BORA: variants seen among roughly 807,000 people sequenced by gnomAD.
BORA encodes protein aurora borealis.
Under a neutral mutation model 55.8 loss-of-function variants are expected in BORA, and 26 were observed. The ratio of observed to expected loss-of-function variants is 0.47; its 90% CI spans 0.34 to 0.65. BORA has a LOEUF of 0.65. Among genes scored for constraint, BORA ranks in the 30% least tolerant of loss-of-function variants. BORA has a pLI of 0.01. For synonymous variants in BORA, 201 were observed against 216.9 expected (o/e 0.93, Z 0.64); for missense variants, 568 against 671.5 (o/e 0.85, Z 1.70).
chr13:72,745,019 C>T lies in BORA; in HGVS notation c.550C>T (p.Pro184Ser). 6.2e-7 allele frequency: 1 copy of T among 1,614,050 alleles called. No homozygotes were observed. The highest frequency in any genetic ancestry group is 8.5e-7 in the Non-Finnish European group (1 of 1,179,962). The change falls in exon 8 of 12, where the codon CCT (proline) becomes TCT (serine). Residue 184 changes from proline (P) to serine (S), a missense_variant. Transcript: ENST00000390667. ...AGCTGATGAATTTGCAGATCAATCTCCTGGAAACCTCAGTTCTTCATCCCT... is the reference window on the plus strand; with the variant it reads ...AGCTGATGAATTTGCAGATCAATCTTCTGGAAACCTCAGTTCTTCATCCCT... ...FRADEFADQS[P>S]GNLSSSSLRR...
chr13:72,750,574 C>CT (rs1172163897), intron 10 of BORA, among the ~76,000 whole-genome samples: 2 of 152,050 alleles, frequency 1.3e-5, no homozygotes, highest in Non-Finnish European at 2.9e-5. Context: ...CTCCCACATG[C>CT]TTAGTGTTCC....
rs67866253 is a variant in BORA, at chr13:72,742,767, TACACAC to T, written c.389-730_389-725del. ...TTTTAAAATGTGATATATATATATA[TACACAC>T]ACACACACACACACACACACACACA... On this transcript the variant is annotated intron_variant, in intron 5 of 11. Coordinates refer to ENST00000390667, the MANE Select transcript of BORA (RefSeq NM_024808.5). Among the ~76,000 whole-genome samples the T allele has an allele frequency of 6.9e-3, 978 of 141,698 alleles. 4 individuals carry two copies. Among genetic ancestry groups the T allele is most frequent in the African/African-American group, 0.01 (379 of 37,818 alleles). 93.0% of individuals were successfully genotyped at this position (141,698 alleles called of 152,430 possible).
Position 72,755,442 on chromosome 13 carries a change from T to C in BORA, c.*226T>C. 2.0e-6 allele frequency: 1 copy of C among 504,560 alleles called. No homozygotes were observed. The highest frequency in any genetic ancestry group is 3.3e-5 in the East Asian group (1 of 30,046). The allele number at this position is 504,560 out of a possible 1,614,324, so 31.3% of individuals were successfully genotyped here. A position where few individuals can be genotyped will look rare whatever the true frequency, so the allele number is the denominator to read the frequency against. On this transcript the variant is annotated 3_prime_UTR_variant, in exon 12 of 12. Transcript: ENST00000390667. ...TTTATTTTTTATCAATAAATATTTT[T>C]ATACTTACATTGAGTGATGTGTTTA...
chr13:72,754,348 G>A (rs1271954236), intron 11 of BORA: 2 of 142,872 alleles, frequency 1.4e-5, no homozygotes, highest in African/African-American at 5.4e-5. Flanking sequence ...GTCTTACTCT[G>A]TCACCCGGGC....
chr13:72,736,908 A>G (rs2032940663), intron 4 of BORA, among the ~76,000 whole-genome samples: 1 of 147,976 alleles, frequency 6.8e-6, no homozygotes, highest in Non-Finnish European at 1.5e-5. Context: ...GAGTGAACTT[A>G]TACATCACTT....
intron 3 of BORA, among the ~76,000 whole-genome samples, chr13:72,732,069 T>C (rs564728782): frequency 6.6e-6 from 1 of 152,348 alleles, no homozygotes; most frequent in South Asian, 2.1e-4. Flanking sequence ...TGTTTTATAG[T>C]CTGATTTTTT....
At chr13:72,737,939 T>C in intron 4 of BORA, 23 bp from the exon 5 acceptor site, 1 of 1,506,604 alleles carries the variant, frequency 6.6e-7, no homozygotes, top group East Asian at 2.4e-5. Context: ...TTATGCCTAA[T>C]TGTATGACTT....
At chr13:72,743,653 T>A in intron 6 of BORA, 51 bp downstream of exon 6, 1 of 1,411,366 alleles carries the variant, frequency 7.1e-7, no homozygotes, top group Non-Finnish European at 9.9e-7. Flanking sequence ...TAAGCTACAT[T>A]GAATTCTAAA....
chr13:72,728,890 G>C (rs1187064891), intron 1 of BORA, 36 bp from the exon 2 acceptor site: 2 of 1,509,770 alleles, frequency 1.3e-6, no homozygotes, highest in Non-Finnish European at 1.8e-6. Context: ...ATGGGACTTT[G>C]TAATTTTAAC....
At chr13:72,745,833 G>C in intron 8 of BORA, 111 bp from the exon 9 acceptor site, 1 of 885,604 alleles carries the variant, frequency 1.1e-6, no homozygotes, top group Non-Finnish European at 1.6e-6. Flanking sequence ...TGGTTCTCGT[G>C]AACTATTACT....
chr13:72,755,835 A>ATTG lies in BORA; in HGVS notation c.*622_*624dup. On this transcript the variant is annotated 3_prime_UTR_variant, in exon 12 of 12. Transcript: ENST00000390667. ...TAGTACTAGTGACATCATCACGTGT[A>ATTG]TTGTTATCTATGGGGCAAATGTGTG... is the stretch of plus-strand genomic sequence containing the variant. The ATTG allele has an allele frequency of 5.0e-6, 2 of 398,598 alleles. No individual in the cohort carries two copies. Among genetic ancestry groups the ATTG allele is most frequent in the Non-Finnish European group, 8.8e-6 (2 of 226,064 alleles). The allele number at this position is 398,598 out of a possible 1,614,324, so 24.7% of individuals were successfully genotyped here.
At chr13:72,747,264 AAGAGT>A (rs1566227587) in intron 10 of BORA, among the ~76,000 whole-genome samples, 153 bp downstream of exon 10, 4 of 152,136 alleles carry the variant, frequency 2.6e-5, no homozygotes, top group African/African-American at 7.2e-5. Context: ...GTGATATGAG[AAGAGT>A]AAATTTATTT....
intron 10 of BORA, among the ~76,000 whole-genome samples, chr13:72,747,706 G>T (rs1368912257): frequency 6.6e-6 from 1 of 151,808 alleles, no homozygotes; most frequent in Admixed American, 6.6e-5. Flanking sequence ...GCTAATTTTT[G>T]TATTTTTGTA....
chr13:72,731,284 C>T lies in BORA; in HGVS notation c.157C>T (p.Pro53Ser), dbSNP rs1438022459. 6.2e-7 allele frequency: 1 copy of T among 1,602,132 alleles called. No individual in the cohort carries two copies. The highest frequency in any genetic ancestry group is 1.1e-5 in the South Asian group (1 of 89,636). ...AAGCTCACTTTCTTTTGTTAAGACT[C>T]CAGGGAAATTTAGATGGTCTATTGA... Reference protein sequence around the residue: ...SVFKSTKLPTPGKFRWSIDQL... With the variant: ...SVFKSTKLPTSGKFRWSIDQL... The change falls in exon 3 of 12, where the codon CCA (proline) becomes TCA (serine). Residue 53 changes from proline to serine, a missense_variant. Transcript: ENST00000390667.
At chr13:72,737,898 C>A in intron 4 of BORA, 64 bp from the exon 5 acceptor site, 3 of 1,044,908 alleles carry the variant, frequency 2.9e-6, no homozygotes, top group Middle Eastern at 2.2e-4. Flanking sequence ...CTTGGAAAAA[C>A]ACAGGTACCG....
At position 72,755,160 on chromosome 13, in the gene BORA, A is replaced by G. The variant is rs1325700349; in HGVS notation, c.1624A>G (p.Thr542Ala). 1.9e-6 allele frequency: 3 copies of G among 1,613,684 alleles called. No homozygotes were observed. The highest frequency in any genetic ancestry group is 2.7e-5 in the African/African-American group (2 of 74,920). The change falls in exon 12 of 12, where the codon ACA (threonine) becomes GCA (alanine). Residue 542 changes from threonine to alanine, a missense_variant. Physicochemically the swap from Thr to Ala is moderately conservative, Grantham distance 58. Transcript: ENST00000390667. ...GTCTTCTTTTTCACAGCAAGACCAC[A>G]CAACACAGAGGTGTTGGATGAAAAC... ...SQAFNMKQDH[T>A]TQRCWMKTAS...
chr13:72,735,250 A>T (rs1458749048), intron 4 of BORA, among the ~76,000 whole-genome samples: 1 of 152,168 alleles, frequency 6.6e-6, no homozygotes, highest in African/African-American at 2.4e-5. Context: ...TGTCCCCTAG[A>T]CGCAATCTTT....
chr13:72,746,193 C>A (rs1179671087), intron 9 of BORA, 117 bp downstream of exon 9: 1 of 997,572 alleles, frequency 1.0e-6, no homozygotes. Context: ...AACCTTCTAA[C>A]ATTTAGGAAC....
At chr13:72,728,879 T>C (rs775069976) in intron 1 of BORA, 47 bp from the exon 2 acceptor site, 1 of 1,478,478 alleles carries the variant, frequency 6.8e-7, no homozygotes, top group East Asian at 2.4e-5. Context: ...AATTAATATC[T>C]ATGGGACTTT....
Sources: gnomAD v4.1 joint callset for allele counts (sites outside exome capture counted in the v4.1 genomes callset) on GRCh38, gnomAD v4.1.1 for gene constraint, MANE v1.5 for transcripts, NCBI Gene and HGNC (gene_info 2026-07-23, HGNC 2026-07-21) for gene names.